RBFOX1: variants seen among roughly 807,000 people sequenced by gnomAD.
RBFOX1 encodes RNA binding protein fox-1 homolog 1.
A neutral mutation model predicts 57.7 loss-of-function variants in RBFOX1; 8 were observed. The ratio of observed to expected loss-of-function variants is 0.14; its 90% CI spans 0.08 to 0.25. The LOEUF is 0.25. Ranked by LOEUF, RBFOX1 falls within the 10% of genes least tolerant of loss-of-function variation. The pLI, the probability that RBFOX1 is intolerant of heterozygous loss-of-function variation, is 1.00. For missense variants in RBFOX1, 611 were observed against 548.5 expected (o/e 1.11, Z -1.14); for synonymous variants, 326 against 222.4 (o/e 1.47, Z -4.15).
intron 2 of RBFOX1, among the ~76,000 whole-genome samples, chr16:6,603,990 G>T (rs1417633885): frequency 4.6e-5 from 7 of 152,050 alleles, no homozygotes; most frequent in African/African-American, 7.2e-5. Flanking sequence ...CCCAGCCTTG[G>T]GGGTTCTGCA....
At chr16:7,528,750 A>T (rs976382128) in intron 5 of RBFOX1, among the ~76,000 whole-genome samples, 5 of 152,132 alleles carry the variant, frequency 3.3e-5, no homozygotes, top group African/African-American at 1.2e-4. Context: ...CCCTTAATTC[A>T]TGGTCATATA....
At chr16:5,937,795 A>T (rs36086957) in intron 4 of RBFOX1, among the ~76,000 whole-genome samples, 3 of 149,572 alleles carry the variant, frequency 2.0e-5, no homozygotes, top group African/African-American at 7.3e-5. Context: ...TAAAATATAT[A>T]CCTATATAAA....
chr16:6,508,181 T>C (rs570599540), intron 2 of RBFOX1, among the ~76,000 whole-genome samples: 81 of 152,080 alleles, frequency 5.3e-4, no homozygotes, highest in African/African-American at 1.8e-3. Flanking sequence ...CATGGACACA[T>C]AGAGTGAAAC....
At chr16:6,069,017 A>C (rs886072443) in intron 1 of RBFOX1, among the ~76,000 whole-genome samples, 3 of 152,110 alleles carry the variant, frequency 2.0e-5, no homozygotes, top group African/African-American at 7.2e-5. Context: ...ATTTATAAAA[A>C]AAAGAATGAA....
At chr16:6,849,139 G>C (rs2093928915) in intron 3 of RBFOX1, among the ~76,000 whole-genome samples, 1 of 152,112 alleles carries the variant, frequency 6.6e-6, no homozygotes, top group Non-Finnish European at 1.5e-5. Flanking sequence ...CATCCCCAGA[G>C]AGTGAAACAA....
At chr16:6,382,967 A>G (rs1324058500) in intron 2 of RBFOX1, among the ~76,000 whole-genome samples, 1 of 152,214 alleles carries the variant, frequency 6.6e-6, no homozygotes, top group Non-Finnish European at 1.5e-5. Context: ...CTGACAAGCC[A>G]GTATTTACGC....
chr16:6,085,677 T>C (rs1432045556), intron 1 of RBFOX1, among the ~76,000 whole-genome samples: 1 of 152,192 alleles, frequency 6.6e-6, no homozygotes, highest in Non-Finnish European at 1.5e-5. Flanking sequence ...TGTCTGTGTG[T>C]GTGCATGCGC....
At chr16:6,021,660 G>A (rs1017978620) in intron 1 of RBFOX1, among the ~76,000 whole-genome samples, 2 of 152,128 alleles carry the variant, frequency 1.3e-5, no homozygotes, top group African/African-American at 2.4e-5. Context: ...CATTCCTCGC[G>A]GTAGTGGAAG....
At chr16:6,409,092 A>C (rs1314572883) in intron 2 of RBFOX1, among the ~76,000 whole-genome samples, 1 of 152,042 alleles carries the variant, frequency 6.6e-6, no homozygotes, top group Non-Finnish European at 1.5e-5. Flanking sequence ...CTCCCTACAT[A>C]CTACTTCAAA....
intron 3 of RBFOX1, among the ~76,000 whole-genome samples, chr16:6,950,511 A>G (rs559202728): frequency 3.3e-5 from 5 of 152,296 alleles, no homozygotes; most frequent in African/African-American, 9.6e-5. Flanking sequence ...TTGAAGCTGA[A>G]CAAATAGAAA....
rs1335597253 is a variant in RBFOX1, at chr16:7,486,215, C to T, written c.28-31932C>T. ...TCAGCTCGCTGCAACCTCTGACTCC[C>T]GGGTTCAAGTGATTCTCCTGCCTCA... On this transcript the variant is annotated intron_variant, in intron 4 of 15. Coordinates refer to ENST00000550418, the MANE Select transcript of RBFOX1 (RefSeq NM_018723.4). Among the ~76,000 whole-genome samples, 7 of 150,516 alleles carry T rather than the reference C, an allele frequency of 4.7e-5. No individual in the cohort carries two copies. In the East Asian group the frequency reaches 5.9e-4, roughly 13 times the overall value.
At chr16:5,987,085 T>A (rs754888901) in intron 4 of RBFOX1, among the ~76,000 whole-genome samples, 7 of 152,250 alleles carry the variant, frequency 4.6e-5, no homozygotes, top group Non-Finnish European at 7.3e-5. Context: ...GTTGTAGTGA[T>A]ATTGCCTTTT....
intron 1 of RBFOX1, among the ~76,000 whole-genome samples, chr16:6,161,464 A>C (rs1036920045): frequency 6.6e-6 from 1 of 152,032 alleles, no homozygotes; most frequent in African/African-American, 2.4e-5. Context: ...TGGCTGGGGC[A>C]GCTGACTAAC....
intron 5 of RBFOX1, among the ~76,000 whole-genome samples, chr16:7,541,817 G>A (rs185466827): frequency 1.5e-3 from 234 of 152,294 alleles, no homozygotes; most frequent in African/African-American, 5.4e-3. Context: ...ATTTTGATGG[G>A]TGTCATGAGG....
At chr16:5,811,143 A>ATTTTTTTTTTTT (rs374827330) in intron 3 of RBFOX1, among the ~76,000 whole-genome samples, 1 of 104,558 alleles carries the variant, frequency 9.6e-6, no homozygotes. Context: ...TATGGAACAA[A>ATTTTTTTTTTTT]TTTTTTTTTT....
chr16:7,067,660 T>C (rs1036579773), intron 4 of RBFOX1, among the ~76,000 whole-genome samples: 9 of 151,470 alleles, frequency 5.9e-5, no homozygotes, highest in East Asian at 3.9e-4. Context: ...GCATTAGGTA[T>C]ATCTCCCAAA....
chr16:7,159,332 T>C (rs907130406), intron 4 of RBFOX1, among the ~76,000 whole-genome samples: 1 of 151,920 alleles, frequency 6.6e-6, no homozygotes. Context: ...GAGACAGGGA[T>C]TGAGAGGGGT....
rs150959796 is a variant in RBFOX1 at position 5,948,598 on chromosome 16, C to T, written c.351+81263C>T. On this transcript the variant is annotated intron_variant, in intron 4 of 19. Coordinates refer to the RBFOX1 transcript ENST00000641259. ...AAGTTTGGAGACCTACAGGGAAGGC[C>T]GTGCGATGGCAGAGGCAGAGATTTT... Among the ~76,000 whole-genome samples the T allele has an allele frequency of 7.2e-4, 109 of 152,208 alleles. 1 individual carries two copies. In the East Asian group the frequency reaches 0.016, roughly 23 times the overall value.
chr16:7,236,801 T>G (rs1391607318), intron 4 of RBFOX1, among the ~76,000 whole-genome samples: 11 of 152,198 alleles, frequency 7.2e-5, no homozygotes, highest in African/African-American at 2.4e-4. Flanking sequence ...ACAGTCCTTG[T>G]GCCTGGGTTT....
Sources: allele counts gnomAD v4.1 joint callset (sites outside exome capture counted in the v4.1 genomes callset), GRCh38; gene constraint gnomAD v4.1.1; transcripts MANE v1.5; gene names NCBI Gene and HGNC (gene_info 2026-07-23, HGNC 2026-07-21).